EIF2B5: variants seen among roughly 807,000 people sequenced by gnomAD.
EIF2B5 encodes the protein translation initiation factor eIF2B subunit epsilon.
Under a neutral mutation model 87.3 loss-of-function variants are expected in EIF2B5, and 38 were observed. That is an observed-to-expected ratio of 0.44 (90% confidence interval 0.34 to 0.57). EIF2B5 has a LOEUF of 0.57. EIF2B5 is among the 20% of genes least tolerant of loss of function. The probability of loss-of-function intolerance (pLI) is 0.02; values close to 1 mark genes in which losing one functional copy is unlikely to be tolerated. For synonymous variants in EIF2B5, 313 were observed against 339.6 expected (o/e 0.92, Z 0.86); for missense variants, 784 against 909.5 (o/e 0.86, Z 1.78).
In EIF2B5 at chr3:184,145,183, G is replaced by C; in HGVS notation, c.*240G>C. 1 of 579,014 alleles carries C rather than the reference G, an allele frequency of 1.7e-6. No homozygotes were observed. 35.9% of individuals were successfully genotyped at this position (579,014 alleles called of 1,614,324 possible). A position where few individuals can be genotyped will look rare whatever the true frequency, so the allele number is the denominator to read the frequency against. ...AAGCTTCTGCCTAGGGAGGAGCTAA[G>C]CAGGCCCGGCAGTTGGAGGAAGGCC... is the stretch of plus-strand genomic sequence containing the variant. On this transcript the variant is annotated 3_prime_UTR_variant, in exon 16 of 16. Transcript: ENST00000648915. The surrounding 1 kb of genome is among the most constrained non-coding windows in gnomAD (Gnocchi z 4.0).
Position 184,145,113 on chromosome 3 carries a change from C to T in EIF2B5, c.*170C>T. 2.9e-6 allele frequency: 2 copies of T among 690,972 alleles called. No individual in the cohort carries two copies. The highest frequency in any genetic ancestry group is 5.2e-6 in the Non-Finnish European group (2 of 388,196). 42.8% of individuals were successfully genotyped at this position (690,972 alleles called of 1,614,324 possible). On this transcript the variant is annotated 3_prime_UTR_variant, in exon 16 of 16. Transcript: ENST00000648915. This position sits in a 1 kb window ranked among gnomAD's most constrained non-coding sequence, Gnocchi z 4.0. ...TTCCCCTGCTAGCAACCATGTGCCT[C>T]CCATCCTGACTGTGGAGTTGGGATG... is the stretch of plus-strand genomic sequence containing the variant.
At chr3:184,139,512 C>T (rs989598349) in intron 5 of EIF2B5, among the ~76,000 whole-genome samples, 3 of 151,118 alleles carry the variant, frequency 2.0e-5, no homozygotes, top group Non-Finnish European at 4.4e-5. Context: ...AACTCCCAAC[C>T]TCAGGTGATC....
chr3:184,140,215 C>G, intron 6 of EIF2B5, 58 bp downstream of exon 6: 4 of 1,547,126 alleles, frequency 2.6e-6, no homozygotes, highest in Non-Finnish European at 3.6e-6. Flanking sequence ...GATTGTATCT[C>G]ATGCTGGTAA....
At position 184,138,073 on chromosome 3, in the gene EIF2B5, C is replaced by T; in HGVS notation, c.682C>T (p.Leu228=). The change falls in exon 4 of 16, where the codon CTG becomes TTG. Residue 228 remains leucine, a splice_region_variant and synonymous_variant. Coordinates refer to ENST00000648915, the MANE Select transcript of EIF2B5 (RefSeq NM_003907.3). ...TQGLRRFAFP[L]SLFQGSSDGV... ...GGGTCTCCGGCGTTTTGCATTTCCT[C>T]TGGTGTGTGGATATCTGGGGTCCTT... The T allele has an allele frequency of 6.2e-7, 1 of 1,614,140 alleles. No individual in the cohort carries two copies. Among genetic ancestry groups the T allele is most frequent in the African/African-American group, 1.3e-5 (1 of 75,028 alleles).
chr3:184,140,931 A>G (rs937178996), intron 7 of EIF2B5: 5 of 630,756 alleles, frequency 7.9e-6, no homozygotes, highest in Middle Eastern at 4.3e-4. Context: ...CTCTCATTGG[A>G]TGACTCTTCA....
intron 14 of EIF2B5, 98 bp from the exon 15 acceptor site, chr3:184,144,496 TGGA>T: frequency 1.7e-6 from 2 of 1,147,942 alleles, no homozygotes; most frequent in South Asian, 2.6e-5. Context: ...TTGTCCGTTT[TGGA>T]GGAGGCTACT....
Position 184,144,601 on chromosome 3 carries a change from T to G in EIF2B5, c.2000T>G (p.Leu667Arg). 1 of 1,614,106 alleles carries G rather than the reference T, an allele frequency of 6.2e-7. No individual in the cohort carries two copies. The highest frequency in any genetic ancestry group is 8.5e-7 in the Non-Finnish European group (1 of 1,180,012). Residue 667 changes from leucine (L) to arginine (R), a missense_variant, in exon 15 of 16, where the codon CTG (leucine) becomes CGG (arginine). Physicochemically the swap from Leu to Arg is moderately radical, Grantham distance 102. Around this residue, in one of 3 missense-constraint regions of EIF2B5, gnomAD observed 660 missense variants for 789.5 expected, o/e 0.84. Transcript: ENST00000648915. Reference sequence around the variant, plus strand: ...CCCTTTATTGGCCTTTTGCAGGTACTGATGGCTTTCTACCAGCTGGAGATC... The same window carrying G: ...CCCTTTATTGGCCTTTTGCAGGTACGGATGGCTTTCTACCAGCTGGAGATC... ...EALGISMAKV[L>R]MAFYQLEILA...
chr3:184,142,747 T>C lies in EIF2B5; in HGVS notation c.1547-32T>C. 1 of 1,603,104 alleles carries C rather than the reference T, an allele frequency of 6.2e-7. No homozygotes were observed. ...ATTGCTCTCTGTCAATGACTCTTTT[T>C]TTCTTTTTCCTCACCCATTATGGCT... On this transcript the variant is annotated intron_variant, in intron 10 of 15. Coordinates refer to ENST00000648915, the MANE Select transcript of EIF2B5 (RefSeq NM_003907.3). The surrounding 1 kb of genome is among the most constrained non-coding windows in gnomAD (Gnocchi z 5.0).
Position 184,142,071 on chromosome 3 carries a change from G to A in EIF2B5, c.1302+1G>A. 1 of 1,614,172 alleles carries A rather than the reference G, an allele frequency of 6.2e-7. No homozygotes were observed. The highest frequency in any genetic ancestry group is 8.5e-7 in the Non-Finnish European group (1 of 1,180,042). On this transcript the variant is annotated splice_donor_variant, in intron 8 of 15. Transcript: ENST00000648915. LOFTEE classifies it high-confidence loss of function. This position sits in a 1 kb window ranked among gnomAD's most constrained non-coding sequence, Gnocchi z 5.0. ...ACCACGCTCTGTCCTCACTTCCCAG[G>A]TGAGACCTGATCTATACTGTGCACA...
intron 5 of EIF2B5, 119 bp from the exon 6 acceptor site, chr3:184,139,961 T>A (rs1713544848): frequency 1.4e-6 from 1 of 713,410 alleles, no homozygotes; most frequent in African/African-American, 1.8e-5. Context: ...AGGTGGAGGT[T>A]GCAGTGAGCC....
At chr3:184,141,389 C>T (rs746677298) in intron 7 of EIF2B5, among the ~76,000 whole-genome samples, 5 of 152,176 alleles carry the variant, frequency 3.3e-5, no homozygotes, top group Admixed American at 1.3e-4. Context: ...GGCAACATAG[C>T]GACACCCCTT....
Position 184,144,727 on chromosome 3 carries a change from T to C in EIF2B5, c.2106+20T>C, listed in dbSNP as rs1020920041. 3.1e-6 allele frequency: 5 copies of C among 1,608,174 alleles called. No individual in the cohort carries two copies. Among genetic ancestry groups the C allele is most frequent in the Non-Finnish European group, 3.4e-6 (4 of 1,176,768 alleles). Reference sequence around the variant, plus strand: ...CAACAGGTGCGTCAGGCTGTCCTCCTCTCGCCAAGATGGTTATCTCATTCC... The same window carrying C: ...CAACAGGTGCGTCAGGCTGTCCTCCCCTCGCCAAGATGGTTATCTCATTCC... On this transcript the variant is annotated intron_variant, in intron 15 of 15. Transcript: ENST00000648915.
chr3:184,144,747 C>A (rs776000855), intron 15 of EIF2B5, 40 bp downstream of exon 15: 122 of 1,597,484 alleles, frequency 7.6e-5, no homozygotes, highest in Non-Finnish European at 1.0e-4. Flanking sequence ...ATGGTTATCT[C>A]ATTCCCAGGT....
chr3:184,142,671 CA>C lies in EIF2B5; in HGVS notation c.1546+69del. On this transcript the variant is annotated intron_variant, in intron 10 of 15. Transcript: ENST00000648915. This position sits in a 1 kb window ranked among gnomAD's most constrained non-coding sequence, Gnocchi z 5.0. ...ATATTTTGAAGGATAATGAATACTT[CA>C]GAGTCACATTACTTATTCACTCCTT... 6.4e-7 allele frequency: 1 copy of C among 1,560,268 alleles called. No individual in the cohort carries two copies. The highest frequency in any genetic ancestry group is 2.3e-5 in the East Asian group (1 of 43,148).
At position 184,140,122 on chromosome 3, in the gene EIF2B5, G is replaced by A. The variant is rs397514646; in HGVS notation, c.808G>A (p.Asp270Asn). 6.2e-7 allele frequency: 1 copy of A among 1,613,880 alleles called. No homozygotes were observed. Among genetic ancestry groups the A allele is most frequent in the Non-Finnish European group, 8.5e-7 (1 of 1,179,906 alleles). ...FTDNFDYQTR[D>N]DFVRGLLVNE... ...AGACAACTTTGACTACCAAACTCGAGATGACTTTGTGCGAGGTCTCTTAGT... is the reference window on the plus strand; with the variant it reads ...AGACAACTTTGACTACCAAACTCGAAATGACTTTGTGCGAGGTCTCTTAGT... Residue 270 changes from aspartate to asparagine, a missense_variant, in exon 6 of 16, where the codon GAT becomes AAT. By Grantham distance (23) the Asp-to-Asn change is conservative. This residue lies in a region of EIF2B5 where 660 missense variants were observed against 789.5 expected (regional missense o/e 0.84). Transcript: ENST00000648915.
At chr3:184,140,007 A>T (rs1039622579) in intron 5 of EIF2B5, 73 bp from the exon 6 acceptor site, 3 of 1,256,714 alleles carry the variant, frequency 2.4e-6, no homozygotes, top group Admixed American at 3.8e-5. Flanking sequence ...TGGGCAACAG[A>T]GCTAGACTTG....
rs1219519698 is a variant in EIF2B5, at chr3:184,143,504, T to TCCCCCTGCAACAGATGGATTC, written c.1812_1832dup (p.Gln606_Leu612dup). Reference sequence around the variant, plus strand: ...GTACTGAGCCACGTGGTCCTGGAGTTCCCCCTGCAACAGATGGATTCCCCG... The same window carrying TCCCCCTGCAACAGATGGATTC: ...GTACTGAGCCACGTGGTCCTGGAGTTCCCCCTGCAACAGATGGATTCCCCCCTGCAACAGATGGATTCCCCG... On this transcript the variant is annotated inframe_insertion, in exon 13 of 16. Coordinates refer to ENST00000648915, the MANE Select transcript of EIF2B5 (RefSeq NM_003907.3). 15 of 1,613,940 alleles carry TCCCCCTGCAACAGATGGATTC rather than the reference T, an allele frequency of 9.3e-6. No homozygotes were observed. The highest frequency in any genetic ancestry group is 1.3e-5 in the Non-Finnish European group (15 of 1,180,016).
chr3:184,142,947 G>C lies in EIF2B5; in HGVS notation c.1654+61G>C. ...ATTCTCTGCCTGGATCAACTAGCCA[G>C]AGGCTTACGTTCCTCAGAAAGGGTT... On this transcript the variant is annotated intron_variant, in intron 11 of 15. Transcript: ENST00000648915. The surrounding 1 kb of genome is among the most constrained non-coding windows in gnomAD (Gnocchi z 5.0). The C allele has an allele frequency of 1.3e-6, 2 of 1,575,664 alleles. No individual in the cohort carries two copies. Among genetic ancestry groups the C allele is most frequent in the Non-Finnish European group, 8.7e-7 (1 of 1,152,536 alleles).
intron 13 of EIF2B5, chr3:184,143,785 C>A: frequency 1.4e-6 from 1 of 705,902 alleles, no homozygotes; most frequent in Non-Finnish European, 2.4e-6. Flanking sequence ...CCATCCTAGG[C>A]CCACAAAGGT....
Sources: allele counts gnomAD v4.1 joint callset (sites outside exome capture counted in the v4.1 genomes callset), GRCh38; gene constraint gnomAD v4.1.1; regional missense constraint gnomAD v4.1.1; non-coding constraint Gnocchi (gnomAD v3.1); transcripts MANE v1.5; gene names NCBI Gene and HGNC (gene_info 2026-07-23, HGNC 2026-07-21).